KCNC2: variants seen among roughly 807,000 people sequenced by gnomAD.
KCNC2 encodes the protein voltage-gated potassium channel KCNC2.
In KCNC2, 21 loss-of-function variants were observed where a neutral mutation model predicts 44.5. The observed-to-expected ratio is 0.47, with a 90% CI of 0.33 to 0.68. KCNC2 has a LOEUF of 0.68. Among genes scored for constraint, KCNC2 ranks in the 30% least tolerant of loss-of-function variants. The pLI, the probability that KCNC2 is intolerant of heterozygous loss-of-function variation, is 0.01. For missense variants in KCNC2, 589 were observed against 826.2 expected, an observed-to-expected ratio of 0.71 and a Z score of 3.52; for synonymous variants, 391 against 339.1, an observed-to-expected ratio of 1.15 and a Z score of -1.68.
In KCNC2 at chr12:75,207,373, T is replaced by G; in HGVS notation, c.611A>C (p.Lys204Thr). 6.3e-7 allele frequency: 1 copy of G among 1,579,714 alleles called. No homozygotes were observed. The highest frequency in any genetic ancestry group is 8.6e-7 in the Non-Finnish European group (1 of 1,164,266). Residue 204 changes from lysine to threonine, a missense_variant, in exon 2 of 5, where the codon AAA (lysine) becomes ACA (threonine). Lys to Thr is a moderately conservative substitution (Grantham distance 78, BLOSUM62 -1). Around this residue, in one of 7 missense-constraint regions of KCNC2, gnomAD observed 97 missense variants for 73.3 expected, o/e 1.32. Transcript: ENST00000549446. The surrounding 1 kb of genome is among the most constrained non-coding windows in gnomAD (Gnocchi z 4.1). ...CTGCAGCCTCCTCCAGCGGCCAGAT[T>G]TGCCGTCGGGGCCCCCGAGCCCCGC... Reference protein sequence around the residue: ...DAAGLGGPDGKSGRWRRLQPR... With the variant: ...DAAGLGGPDGTSGRWRRLQPR...
At chr12:75,145,954 A>AT (rs10715917) in intron 2 of KCNC2, among the ~76,000 whole-genome samples, 609 of 135,956 alleles carry the variant, frequency 4.5e-3, no homozygotes, top group East Asian at 0.012. Context: ...AGTCTTACCA[A>AT]TTTTTTTTTT....
At chr12:75,192,495 C>G (rs902957422) in intron 2 of KCNC2, among the ~76,000 whole-genome samples, 5 of 152,154 alleles carry the variant, frequency 3.3e-5, no homozygotes, top group African/African-American at 1.2e-4. Context: ...CATCAAAGTG[C>G]ATGGTTCTTA....
At chr12:75,110,670 T>C (rs1887161672) in intron 2 of KCNC2, among the ~76,000 whole-genome samples, 1 of 152,124 alleles carries the variant, frequency 6.6e-6, no homozygotes, top group East Asian at 1.9e-4. Flanking sequence ...GGGATAGCAA[T>C]TGATATGTGG....
chr12:75,062,166 G>T (rs1882409681), intron 2 of KCNC2, among the ~76,000 whole-genome samples: 1 of 152,028 alleles, frequency 6.6e-6, no homozygotes, highest in South Asian at 2.1e-4. Flanking sequence ...GCAAACTGAA[G>T]CTTAGAGACT....
intron 2 of KCNC2, among the ~76,000 whole-genome samples, chr12:75,108,120 C>T (rs908457453): frequency 2.0e-5 from 3 of 152,050 alleles, no homozygotes; most frequent in South Asian, 2.1e-4. Flanking sequence ...CAGATATTTG[C>T]TACATTTTGG....
intron 2 of KCNC2, among the ~76,000 whole-genome samples, chr12:75,052,902 G>A (rs1308041336): frequency 6.6e-6 from 1 of 152,052 alleles, no homozygotes; most frequent in African/African-American, 2.4e-5. Context: ...CATTTTCATG[G>A]CTTTGACTTG....
At chr12:75,135,692 T>A (rs943499163) in intron 2 of KCNC2, among the ~76,000 whole-genome samples, 6 of 152,148 alleles carry the variant, frequency 3.9e-5, no homozygotes, top group African/African-American at 1.4e-4. Flanking sequence ...CAGCCTTACC[T>A]CTTTGTTCCA....
Position 75,051,088 on chromosome 12 carries a change from T to C in KCNC2, c.917A>G (p.Asn306Ser). Residue 306 changes from asparagine to serine, a missense_variant, in exon 3 of 5, where the codon AAT becomes AGT. Around this residue, in one of 7 missense-constraint regions of KCNC2, gnomAD observed 67 missense variants for 237.4 expected, o/e 0.28. Coordinates refer to ENST00000549446, the MANE Select transcript of KCNC2 (RefSeq NM_139137.4). ...GAGATTTTTGATGAATTCAAGTTTA[T>C]TGGGTGAAAAAACAATACGGACTAA... ...EFLVRIVFSP[N>S]KLEFIKNLLN... 6.2e-7 allele frequency: 1 copy of C among 1,613,652 alleles called. No individual in the cohort carries two copies. Among genetic ancestry groups the C allele is most frequent in the Non-Finnish European group, 8.5e-7 (1 of 1,179,720 alleles).
At chr12:75,109,120 A>G (rs1887020358) in intron 2 of KCNC2, among the ~76,000 whole-genome samples, 1 of 152,210 alleles carries the variant, frequency 6.6e-6, no homozygotes, top group Non-Finnish European at 1.5e-5. Flanking sequence ...CACTTGCTAT[A>G]TATCTAGAGG....
intron 4 of KCNC2, among the ~76,000 whole-genome samples, chr12:75,045,160 G>A (rs1880343908): frequency 6.6e-6 from 1 of 152,060 alleles, no homozygotes; most frequent in East Asian, 1.9e-4. Flanking sequence ...TGGTGAATAT[G>A]CATGAACTAA....
At chr12:75,179,895 G>A (rs187452799) in intron 2 of KCNC2, among the ~76,000 whole-genome samples, 19 of 151,472 alleles carry the variant, frequency 1.3e-4, no homozygotes, top group East Asian at 3.9e-4. Flanking sequence ...TTAGCATTCC[G>A]TACAATTCTA....
At chr12:75,121,830 C>T (rs1336314025) in intron 2 of KCNC2, among the ~76,000 whole-genome samples, 1 of 152,116 alleles carries the variant, frequency 6.6e-6, no homozygotes, top group Admixed American at 6.5e-5. Context: ...CACCATGATC[C>T]TTGACCACCT....
At chr12:75,160,982 A>G (rs952588426) in intron 2 of KCNC2, among the ~76,000 whole-genome samples, 3 of 151,792 alleles carry the variant, frequency 2.0e-5, no homozygotes, top group African/African-American at 7.2e-5. Context: ...TTAAAGAGAA[A>G]CTACAATAAA....
chr12:75,139,907 A>C (rs1307445440), intron 2 of KCNC2, among the ~76,000 whole-genome samples: 1 of 152,220 alleles, frequency 6.6e-6, no homozygotes, highest in Non-Finnish European at 1.5e-5. Flanking sequence ...CTGAGGCAAC[A>C]ATATCTTCCC....
At chr12:75,205,686 A>C (rs1362950150) in intron 2 of KCNC2, among the ~76,000 whole-genome samples, 1 of 152,176 alleles carries the variant, frequency 6.6e-6, no homozygotes, top group Non-Finnish European at 1.5e-5. Context: ...GGGCCTGAAA[A>C]CAAATTCAGA....
Position 75,088,293 on chromosome 12 carries a change from C to G in KCNC2, c.688-36976G>C, listed in dbSNP as rs566278755. Among the ~76,000 whole-genome samples, 7 of 152,108 alleles carry G rather than the reference C, an allele frequency of 4.6e-5. No homozygotes were observed. In the South Asian group the frequency reaches 1.5e-3, roughly 32 times the overall value. ...TCTGTGAAATAGAAATAAAAATAAT[C>G]TATTCCATAAACATGTGATAATTTA... On this transcript the variant is annotated intron_variant, in intron 2 of 4. Transcript: ENST00000549446.
chr12:75,075,928 A>G (rs1883918950), intron 2 of KCNC2, among the ~76,000 whole-genome samples: 1 of 152,142 alleles, frequency 6.6e-6, no homozygotes, highest in Non-Finnish European at 1.5e-5. Context: ...ACCTATTCTG[A>G]ACTACAAAAA....
intron 2 of KCNC2, among the ~76,000 whole-genome samples, chr12:75,085,514 A>G (rs2137102613): frequency 6.6e-6 from 1 of 152,168 alleles, no homozygotes; most frequent in East Asian, 1.9e-4. Context: ...TTTATGAATG[A>G]GAGCATCACT....
chr12:75,043,583 T>C, intron 4 of KCNC2: 1 of 1,227,080 alleles, frequency 8.1e-7, no homozygotes, highest in Non-Finnish European at 1.0e-6. Context: ...GCTTGACTAA[T>C]ATTTTTAAAT....
Sources: allele counts gnomAD v4.1 joint callset (sites outside exome capture counted in the v4.1 genomes callset), GRCh38; gene constraint gnomAD v4.1.1; regional missense constraint gnomAD v4.1.1; non-coding constraint Gnocchi (gnomAD v3.1); transcripts MANE v1.5; gene names NCBI Gene and HGNC (gene_info 2026-07-23, HGNC 2026-07-21).